OR51B5: variants seen among roughly 807,000 people sequenced by gnomAD.
OR51B5 encodes the protein olfactory receptor family 51 subfamily B member 5, also known as olfactory receptor 51B5.
For synonymous variants in OR51B5, 186 were observed against 144.8 expected (o/e 1.28, Z -2.04); for missense variants, 456 against 374.6 (o/e 1.22, Z -1.79).
chr11:5,369,298 C>T (rs944878700), intron 1 of OR51B5, among the ~76,000 whole-genome samples: 1 of 152,058 alleles, frequency 6.6e-6, no homozygotes, highest in African/African-American at 2.4e-5. Context: ...GAAACAAAGT[C>T]ACGGCTTAAC....
chr11:5,468,809 A>G (rs1166756186), intron 1 of OR51B5: 1 of 454,062 alleles, frequency 2.2e-6, no homozygotes, highest in Non-Finnish European at 4.4e-6. Flanking sequence ...AGAGATGACA[A>G]TGAACAGGCC....
At chr11:5,384,575 C>T (rs116936857) in intron 1 of OR51B5, among the ~76,000 whole-genome samples, 1 of 152,202 alleles carries the variant, frequency 6.6e-6, no homozygotes, top group Non-Finnish European at 1.5e-5. Context: ...CCAGCCCCTC[C>T]CTGGATCATG....
chr11:5,476,409 A>AG (rs1851306448), intron 1 of OR51B5, among the ~76,000 whole-genome samples: 7 of 152,214 alleles, frequency 4.6e-5, no homozygotes, highest in Admixed American at 4.6e-4. Context: ...TATGGCCACA[A>AG]GGGGGCACTC....
chr11:5,387,658 CTTCTT>C (rs1303147906), intron 1 of OR51B5, among the ~76,000 whole-genome samples: 1 of 152,096 alleles, frequency 6.6e-6, no homozygotes, highest in Non-Finnish European at 1.5e-5. Flanking sequence ...ATACATTGGC[CTTCTT>C]TTGTCTTTTA....
chr11:5,356,310 T>C (rs994949620), intron 1 of OR51B5, among the ~76,000 whole-genome samples: 2 of 151,754 alleles, frequency 1.3e-5, no homozygotes, highest in Non-Finnish European at 2.9e-5. Context: ...AACCAAGGCA[T>C]GAGAACTACA....
At chr11:5,420,809 T>C (rs1589986992) in intron 1 of OR51B5, among the ~76,000 whole-genome samples, 1 of 152,196 alleles carries the variant, frequency 6.6e-6, no homozygotes, top group Non-Finnish European at 1.5e-5. Flanking sequence ...ATAATTTTTT[T>C]TCTAATTCAG....
intron 1 of OR51B5, chr11:5,351,818 C>G (rs1032740425): frequency 1.9e-6 from 3 of 1,614,092 alleles, no homozygotes; most frequent in Non-Finnish European, 2.5e-6. Flanking sequence ...TTTATCCATA[C>G]TCTTTCTGTC....
At position 5,401,159 on chromosome 11, in the gene OR51B5, C is replaced by A. The variant is rs550088128; in HGVS notation, n.85-54249G>T. Reference sequence around the variant, plus strand: ...CTCTTTCCCTCTATTGCCTTCCTCTCCTCCCCAGGAAAAGAACATCCTTGA... The same window carrying A: ...CTCTTTCCCTCTATTGCCTTCCTCTACTCCCCAGGAAAAGAACATCCTTGA... On this transcript the variant is annotated intron_variant and non_coding_transcript_variant, in intron 1 of 4. Coordinates refer to the OR51B5 transcript ENST00000415970. 2.6e-5 allele frequency among the ~76,000 whole-genome samples: 4 copies of A among 152,286 alleles called. No homozygotes were observed. In the East Asian group the frequency reaches 7.7e-4, roughly 29 times the overall value.
At chr11:5,476,878 C>T (rs1309367776) in intron 1 of OR51B5, among the ~76,000 whole-genome samples, 1 of 152,114 alleles carries the variant, frequency 6.6e-6, no homozygotes, top group Non-Finnish European at 1.5e-5. Context: ...GTAAAATATC[C>T]TCTGAAGTTT....
At chr11:5,485,198 G>T (rs1244922740) in intron 1 of OR51B5, among the ~76,000 whole-genome samples, 1 of 152,072 alleles carries the variant, frequency 6.6e-6, no homozygotes. Flanking sequence ...AAGGATAAAA[G>T]AATACACAGT....
intron 1 of OR51B5, among the ~76,000 whole-genome samples, chr11:5,372,942 C>G (rs1564925977): frequency 6.6e-6 from 1 of 151,924 alleles, no homozygotes; most frequent in African/African-American, 2.4e-5. Flanking sequence ...CTATAGTAAC[C>G]AAAAAAGTAT....
chr11:5,421,875 G>T (rs1201779410), intron 1 of OR51B5, among the ~76,000 whole-genome samples: 1 of 152,224 alleles, frequency 6.6e-6, no homozygotes, highest in African/African-American at 2.4e-5. Flanking sequence ...TATTGATAGT[G>T]AGATTTGTAT....
At chr11:5,477,601 C>A (rs951498061) in intron 1 of OR51B5, among the ~76,000 whole-genome samples, 1 of 152,146 alleles carries the variant, frequency 6.6e-6, no homozygotes, top group Non-Finnish European at 1.5e-5. Flanking sequence ...TCTGAGGTAC[C>A]GGGTTCATAT....
At chr11:5,396,232 G>C (rs1031924430) in intron 1 of OR51B5, among the ~76,000 whole-genome samples, 1 of 152,326 alleles carries the variant, frequency 6.6e-6, no homozygotes, top group Non-Finnish European at 1.5e-5. Flanking sequence ...CAATCGGGCA[G>C]GAGAAGGAAA....
At chr11:5,362,634 G>A (rs1849302713) in intron 1 of OR51B5, 1 of 181,694 alleles carries the variant, frequency 5.5e-6, no homozygotes. Context: ...AAGGCCATGA[G>A]CAGATACAAC....
chr11:5,452,986 T>C (rs183693816), intron 1 of OR51B5, among the ~76,000 whole-genome samples: 87 of 152,110 alleles, frequency 5.7e-4, no homozygotes, highest in African/African-American at 2.0e-3. Flanking sequence ...CACAACATGA[T>C]ACAAAACTTG....
At chr11:5,408,940 CCCT>C (rs1850102612) in intron 1 of OR51B5, among the ~76,000 whole-genome samples, 1 of 152,110 alleles carries the variant, frequency 6.6e-6, no homozygotes, top group East Asian at 1.9e-4. Context: ...TTTTGTAACA[CCCT>C]CCTAATTCCA....
rs909050033 is a variant in OR51B5, at chr11:5,357,072, T to G, written n.85-10162A>C. Among the ~76,000 whole-genome samples the G allele has an allele frequency of 7.2e-5, 11 of 151,730 alleles. 1 individual carries two copies. The highest frequency in any genetic ancestry group is 2.4e-4 in the African/African-American group (10 of 41,318). ...GCTAGGAAGAAACTGCATCAACTAA[T>G]GAGCAAAATAACCAGCTAACATCAT... On this transcript the variant is annotated intron_variant and non_coding_transcript_variant, in intron 1 of 4. Transcript: ENST00000415970.
intron 1 of OR51B5, among the ~76,000 whole-genome samples, chr11:5,480,322 A>C (rs1851398155): frequency 1.3e-5 from 2 of 152,042 alleles, no homozygotes; most frequent in Non-Finnish European, 2.9e-5. Context: ...GAACAAAGAC[A>C]CAACATACCA....
Sources: allele counts gnomAD v4.1 joint callset (sites outside exome capture counted in the v4.1 genomes callset), GRCh38; gene constraint gnomAD v4.1.1; transcripts MANE v1.5; gene names NCBI Gene and HGNC (gene_info 2026-07-23, HGNC 2026-07-21).